The following FBXW7 variants were observed in gnomAD, a reference collection of about 807,000 sequenced individuals.
The protein encoded by FBXW7 is F-box/WD repeat-containing protein 7.
Under a neutral mutation model 86.3 loss-of-function variants are expected in FBXW7, and 11 were observed. That is an observed-to-expected ratio of 0.13 (90% CI 0.08 to 0.21). The LOEUF is 0.21. Ranked by LOEUF, FBXW7 falls within the 10% of genes least tolerant of loss-of-function variation. The pLI, the probability that FBXW7 is intolerant of heterozygous loss-of-function variation, is 1.00. For missense variants in FBXW7, 488 were observed against 847.4 expected (o/e 0.58, Z 5.27); for synonymous variants, 313 against 297.9 (o/e 1.05, Z -0.52).
intron 2 of FBXW7, among the ~76,000 whole-genome samples, chr4:152,432,069 G>A (rs957755485): frequency 3.9e-5 from 6 of 152,130 alleles, no homozygotes; most frequent in Non-Finnish European, 8.8e-5. Context: ...TAGGGTAGTG[G>A]TCTCAAATGT....
At chr4:152,403,898 T>G (rs1737174286) in intron 4 of FBXW7, among the ~76,000 whole-genome samples, 1 of 152,152 alleles carries the variant, frequency 6.6e-6, no homozygotes, top group Admixed American at 6.6e-5. Context: ...TGAAAAATAT[T>G]CATGTTTAGA....
chr4:152,411,042 A>T, intron 4 of FBXW7: 1 of 505,608 alleles, frequency 2.0e-6, no homozygotes, highest in Non-Finnish European at 3.1e-6. Context: ...CGCAAGGTTT[A>T]GACGAAAATT....
At chr4:152,425,442 C>T (rs1739294945) in intron 2 of FBXW7, among the ~76,000 whole-genome samples, 1 of 152,166 alleles carries the variant, frequency 6.6e-6, no homozygotes, top group Admixed American at 6.5e-5. Context: ...TCAATACCCA[C>T]CTTAAATATT....
intron 2 of FBXW7, among the ~76,000 whole-genome samples, chr4:152,457,238 G>A (rs989821705): frequency 3.3e-5 from 5 of 152,156 alleles, no homozygotes; most frequent in Admixed American, 1.3e-4. Flanking sequence ...GGAGTGAAGA[G>A]ATTACAAAGA....
chr4:152,338,280 A>G (rs1009099226), intron 6 of FBXW7, among the ~76,000 whole-genome samples: 1 of 152,094 alleles, frequency 6.6e-6, no homozygotes, highest in African/African-American at 2.4e-5. Flanking sequence ...TACTGAGTAA[A>G]TAATAGAAAA....
At chr4:152,326,358 G>GC in intron 11 of FBXW7, 127 bp from the exon 12 acceptor site, 3 of 657,122 alleles carry the variant, frequency 4.6e-6, no homozygotes, top group Non-Finnish European at 7.5e-6. Context: ...TTTTTACACA[G>GC]CAACAACCAT....
At chr4:152,476,119 G>C (rs1744372145) in intron 2 of FBXW7, among the ~76,000 whole-genome samples, 1 of 152,132 alleles carries the variant, frequency 6.6e-6, no homozygotes, top group African/African-American at 2.4e-5. Flanking sequence ...GTATTAGCAA[G>C]AGGACACACA....
rs189828254 is a variant in FBXW7, at chr4:152,323,710, T to G, written c.1855+474A>C. ...ATCTAATATTAGTGATTTTCACTTG[T>G]TTCTTTCTCTACTTTAGTAGGCACT... is the stretch of plus-strand genomic sequence containing the variant. On this transcript the variant is annotated intron_variant, in intron 13 of 13. Transcript: ENST00000281708. 38 of 166,722 alleles carry G rather than the reference T, an allele frequency of 2.3e-4. No homozygotes were observed. In the East Asian group the frequency reaches 4.5e-3, roughly 20 times the overall value. 10.3% of individuals were successfully genotyped at this position (166,722 alleles called of 1,614,324 possible). A position where few individuals can be genotyped will look rare whatever the true frequency, so the allele number is the denominator to read the frequency against.
At chr4:152,479,244 G>T (rs1269394246) in intron 2 of FBXW7, among the ~76,000 whole-genome samples, 1 of 151,956 alleles carries the variant, frequency 6.6e-6, no homozygotes, top group Non-Finnish European at 1.5e-5. Flanking sequence ...ACTGAGTAGT[G>T]AAACATATCT....
chr4:152,350,848 T>G (rs1731745354), intron 4 of FBXW7, among the ~76,000 whole-genome samples: 1 of 151,946 alleles, frequency 6.6e-6, no homozygotes, highest in Non-Finnish European at 1.5e-5. Flanking sequence ...TTTAAAAGAA[T>G]CAGTTATGCC....
chr4:152,463,965 T>C (rs1743188909), intron 2 of FBXW7, among the ~76,000 whole-genome samples: 1 of 152,186 alleles, frequency 6.6e-6, no homozygotes, highest in Non-Finnish European at 1.5e-5. Context: ...AAGTGAATGT[T>C]AAGCAGCAAA....
intron 2 of FBXW7, among the ~76,000 whole-genome samples, chr4:152,511,468 G>C (rs1175330512): frequency 6.6e-6 from 1 of 151,080 alleles, no homozygotes; most frequent in Non-Finnish European, 1.5e-5. Context: ...TAAAAATATG[G>C]GTAATCAAAT....
chr4:152,493,660 T>C (rs1228561376), intron 2 of FBXW7, among the ~76,000 whole-genome samples: 3 of 152,060 alleles, frequency 2.0e-5, no homozygotes, highest in African/African-American at 7.2e-5. Context: ...CAGAAATGCA[T>C]GCAAACAGAG....
At position 152,408,181 on chromosome 4, in the gene FBXW7, T is replaced by G. The variant is rs1256482123; in HGVS notation, c.501+3122A>C. ...AGATAGATATGGAAGCATCAGAAAT[T>G]AATGCTCAAACACACTTCTCTTCAT... On this transcript the variant is annotated intron_variant, in intron 4 of 13. Coordinates refer to ENST00000281708, the MANE Select transcript of FBXW7 (RefSeq NM_001349798.2). 2.0e-5 allele frequency among the ~76,000 whole-genome samples: 3 copies of G among 152,132 alleles called. 1 individual carries two copies. Among genetic ancestry groups the G allele is most frequent in the African/African-American group, 7.2e-5 (3 of 41,430 alleles).
At chr4:152,505,105 G>GT (rs1747288621) in intron 2 of FBXW7, among the ~76,000 whole-genome samples, 1 of 152,086 alleles carries the variant, frequency 6.6e-6, no homozygotes, top group African/African-American at 2.4e-5. Flanking sequence ...TTACTGTACT[G>GT]AATACTGTAT....
chr4:152,495,630 G>C (rs1746266700), intron 2 of FBXW7, among the ~76,000 whole-genome samples: 1 of 152,056 alleles, frequency 6.6e-6, no homozygotes, highest in African/African-American at 2.4e-5. Context: ...TGACTCATAT[G>C]TAGGGACTAG....
At chr4:152,443,000 T>C (rs1351483194) in intron 2 of FBXW7, among the ~76,000 whole-genome samples, 2 of 152,176 alleles carry the variant, frequency 1.3e-5, no homozygotes, top group East Asian at 1.9e-4. Flanking sequence ...CGGTGGCTCA[T>C]GCCTGTAATC....
chr4:152,520,077 T>C (rs539832366), intron 2 of FBXW7, among the ~76,000 whole-genome samples: 11 of 152,350 alleles, frequency 7.2e-5, no homozygotes, highest in African/African-American at 2.6e-4. Context: ...TACATTCTTA[T>C]CTTCTAGATT....
chr4:152,361,694 T>C (rs1270091309), intron 4 of FBXW7, among the ~76,000 whole-genome samples: 2 of 152,110 alleles, frequency 1.3e-5, no homozygotes, highest in South Asian at 2.1e-4. Context: ...AACTAACTTT[T>C]GACAGGCATG....
Sources: allele counts gnomAD v4.1 joint callset (sites outside exome capture counted in the v4.1 genomes callset), GRCh38; gene constraint gnomAD v4.1.1; transcripts MANE v1.5; gene names NCBI Gene and HGNC (gene_info 2026-07-23, HGNC 2026-07-21).